HDAC1: variants seen among roughly 807,000 people sequenced by gnomAD.
The protein encoded by HDAC1 is protein deacetylase HDAC1.
In HDAC1, 18 loss-of-function variants were observed where a neutral mutation model predicts 65.5. That is an observed-to-expected ratio of 0.27 (90% CI 0.19 to 0.41). HDAC1 has a LOEUF of 0.41. Ranked by LOEUF, HDAC1 falls within the 10% of genes least tolerant of loss-of-function variation. HDAC1 has a pLI of 1.00. For missense variants in HDAC1, 373 were observed against 625.2 expected (o/e 0.60, Z 4.30); for synonymous variants, 211 against 227.9 (o/e 0.93, Z 0.67).
In HDAC1 at chr1:32,331,603, C is replaced by T. The variant is rs535048773; in HGVS notation, c.1088+21C>T. The T allele has an allele frequency of 6.2e-7, 1 of 1,610,928 alleles. No individual in the cohort carries two copies. Among genetic ancestry groups the T allele is most frequent in the Non-Finnish European group, 8.5e-7 (1 of 1,177,114 alleles). The stretch of plus-strand genomic sequence containing the variant: ...ATCAAGTGAGTATATCCTCCAGCCA[C>T]CCCTTGGTTGAACATTCCTGACTTT... On this transcript the variant is annotated intron_variant, in intron 10 of 13. Transcript: ENST00000373548. The surrounding 1 kb of genome is among the most constrained non-coding windows in gnomAD (Gnocchi z 4.2).
At chr1:32,302,866 G>A (rs1334207512) in intron 2 of HDAC1, 133 bp downstream of exon 2, 1 of 627,030 alleles carries the variant, frequency 1.6e-6, no homozygotes, top group East Asian at 2.9e-5. Flanking sequence ...TACAAGGCAG[G>A]TACTGTAAAT....
intron 4 of HDAC1, among the ~76,000 whole-genome samples, chr1:32,324,808 A>C (rs1457646991): frequency 6.6e-6 from 1 of 152,152 alleles, no homozygotes; most frequent in Non-Finnish European, 1.5e-5. Flanking sequence ...TCTATAAAAA[A>C]ATAAAATAAG....
chr1:32,330,305 A>C lies in HDAC1; in HGVS notation c.730-273A>C, dbSNP rs1641274051. On this transcript the variant is annotated intron_variant, in intron 7 of 13. Coordinates refer to ENST00000373548, the MANE Select transcript of HDAC1 (RefSeq NM_004964.3). This position sits in a 1 kb window ranked among gnomAD's most constrained non-coding sequence, Gnocchi z 4.2. ...GAGGAAGTGGCACTAGAGCTTGGGCAACAGAAGAGACTTAGGGAGTTGAGA... is the reference window on the plus strand; with the variant it reads ...GAGGAAGTGGCACTAGAGCTTGGGCCACAGAAGAGACTTAGGGAGTTGAGA... The C allele has an allele frequency of 2.4e-6, 1 of 413,918 alleles. No individual in the cohort carries two copies. The highest frequency in any genetic ancestry group is 4.5e-6 in the Non-Finnish European group (1 of 223,858). 25.6% of individuals were successfully genotyped at this position (413,918 alleles called of 1,614,324 possible). A position where few individuals can be genotyped will look rare whatever the true frequency, so the allele number is the denominator to read the frequency against.
chr1:32,315,218 G>A (rs1324633954), intron 2 of HDAC1, among the ~76,000 whole-genome samples: 1 of 152,098 alleles, frequency 6.6e-6, no homozygotes, highest in African/African-American at 2.4e-5. Context: ...GGGAGGATGT[G>A]ATCAAAATTG....
At chr1:32,320,077 G>A (rs544326483) in intron 3 of HDAC1, among the ~76,000 whole-genome samples, 3 of 152,034 alleles carry the variant, frequency 2.0e-5, no homozygotes, top group East Asian at 1.9e-4. Flanking sequence ...AAAATTAGCC[G>A]GACGTGGTGG....
At chr1:32,297,542 A>G (rs1377735826) in intron 1 of HDAC1, among the ~76,000 whole-genome samples, 1 of 152,152 alleles carries the variant, frequency 6.6e-6, no homozygotes, top group Non-Finnish European at 1.5e-5. Context: ...TGAGTGACAA[A>G]GCAAGACCCT....
intron 4 of HDAC1, among the ~76,000 whole-genome samples, chr1:32,324,912 G>A (rs1641197515): frequency 6.6e-6 from 1 of 152,100 alleles, no homozygotes; most frequent in Non-Finnish European, 1.5e-5. Context: ...GCTGCAGTGA[G>A]TCGTGGTCAC....
chr1:32,317,859 G>C (rs1444795728), intron 3 of HDAC1, among the ~76,000 whole-genome samples: 1 of 152,194 alleles, frequency 6.6e-6, no homozygotes, highest in Non-Finnish European at 1.5e-5. Flanking sequence ...AGCACAGTGG[G>C]CTCTCACTAG....
rs748181897 is a variant in HDAC1, at chr1:32,332,743, C to T, written c.1415C>T (p.Ala472Val). 3.2e-6 allele frequency: 5 copies of T among 1,554,706 alleles called. No homozygotes were observed. The highest frequency in any genetic ancestry group is 4.4e-6 in the Non-Finnish European group (5 of 1,148,546). The change falls in exon 13 of 14, where the codon GCC becomes GTC. Residue 472 changes from alanine (A) to valine (V), a missense_variant. Around this residue, in one of 4 missense-constraint regions of HDAC1, gnomAD observed 126 missense variants for 126.2 expected, o/e 1.00. Coordinates refer to ENST00000373548, the MANE Select transcript of HDAC1 (RefSeq NM_004964.3). Reference sequence around the variant, plus strand: ...AAAACCAAGGAGGAGAAGCCAGAAGCCAAAGGGTGAGGAAGGAGCTGCCTG... The same window carrying T: ...AAAACCAAGGAGGAGAAGCCAGAAGTCAAAGGGTGAGGAAGGAGCTGCCTG... ...EEKTKEEKPE[A>V]KGVKEEVKLA is the part of the protein sequence containing the mutation.
At chr1:32,312,752 T>C (rs1006771004) in intron 2 of HDAC1, among the ~76,000 whole-genome samples, 9 of 152,314 alleles carry the variant, frequency 5.9e-5, no homozygotes, top group African/African-American at 2.2e-4. Flanking sequence ...CTGGGCTCAC[T>C]GCAACCTCTG....
chr1:32,315,154 G>A (rs1470463651), intron 2 of HDAC1, among the ~76,000 whole-genome samples: 1 of 152,066 alleles, frequency 6.6e-6, no homozygotes, highest in Non-Finnish European at 1.5e-5. Context: ...AAGGGAAGGA[G>A]GAGTCAGAAT....
chr1:32,309,111 C>G (rs1378867117), intron 2 of HDAC1, among the ~76,000 whole-genome samples: 2 of 152,270 alleles, frequency 1.3e-5, no homozygotes, highest in African/African-American at 4.8e-5. Flanking sequence ...CACGCCCAGC[C>G]AAGAGTTCAT....
rs912573563 is a variant in HDAC1 at position 32,327,947 on chromosome 1, T to C, written c.636+270T>C. ...GCTGGGTTGCATCACACTATTCTTA[T>C]GTCTCATAAGCCTTGAGTTTGGGGG... On this transcript the variant is annotated intron_variant, in intron 6 of 13. Transcript: ENST00000373548. The surrounding 1 kb of genome is among the most constrained non-coding windows in gnomAD (Gnocchi z 6.0). 2.0e-5 allele frequency among the ~76,000 whole-genome samples: 3 copies of C among 152,224 alleles called. No individual in the cohort carries two copies. Among genetic ancestry groups the C allele is most frequent in the Admixed American group, 6.5e-5 (1 of 15,286 alleles).
chr1:32,305,447 T>C (rs927061384), intron 2 of HDAC1, among the ~76,000 whole-genome samples: 14 of 152,176 alleles, frequency 9.2e-5, no homozygotes, highest in African/African-American at 3.4e-4. Context: ...TGTAGGAGAA[T>C]TGCAGTTGCT....
chr1:32,325,801 G>T (rs1218082193), intron 4 of HDAC1, among the ~76,000 whole-genome samples: 1 of 152,096 alleles, frequency 6.6e-6, no homozygotes, highest in Non-Finnish European at 1.5e-5. Flanking sequence ...TGAAGAGGGT[G>T]GATCACCTGA....
chr1:32,320,614 CA>C (rs1477461240), intron 3 of HDAC1, among the ~76,000 whole-genome samples: 1 of 151,786 alleles, frequency 6.6e-6, no homozygotes, highest in African/African-American at 2.4e-5. Context: ...ATTTTAGATA[CA>C]CAGGCCAGGC....
intron 2 of HDAC1, among the ~76,000 whole-genome samples, chr1:32,314,934 G>A (rs1418960474): frequency 2.0e-5 from 3 of 152,022 alleles, no homozygotes; most frequent in Non-Finnish European, 4.4e-5. Context: ...ACAGAAATAT[G>A]CTGTAGGAGC....
intron 1 of HDAC1, among the ~76,000 whole-genome samples, chr1:32,296,037 T>C (rs1640763176): frequency 6.6e-6 from 1 of 152,198 alleles, no homozygotes; most frequent in Admixed American, 6.5e-5. Context: ...CGTGATAGTA[T>C]TTGTCACTGT....
intron 1 of HDAC1, chr1:32,292,500 G>A: frequency 1.1e-6 from 1 of 925,182 alleles, no homozygotes; most frequent in Non-Finnish European, 1.3e-6. Context: ...GACTCCTAGA[G>A]GGGAGGGTGC....
Sources: gnomAD v4.1 joint callset for allele counts (sites outside exome capture counted in the v4.1 genomes callset) on GRCh38, gnomAD v4.1.1 for gene constraint, gnomAD v4.1.1 regional missense constraint, Gnocchi (gnomAD v3.1) non-coding constraint, MANE v1.5 for transcripts, NCBI Gene and HGNC (gene_info 2026-07-23, HGNC 2026-07-21) for gene names.